The following MGAT4D variants were observed in gnomAD, a reference collection of about 807,000 sequenced individuals.
MGAT4D encodes the protein MGAT4 family member D, also known as alpha-1,3-mannosyl-glycoprotein 4-beta-N-acetylglucosaminyltransferase-like protein MGAT4D.
MGAT4D carries 34 observed loss-of-function variants against 15.9 expected under a neutral mutation model. That is an observed-to-expected ratio of 2.14 (90% confidence interval 1.62 to 2.84). The LOEUF is 2.84. MGAT4D is among the 30% of genes most tolerant of loss of function. MGAT4D has a pLI of 0.00. For missense variants in MGAT4D, 327 were observed against 140.2 expected (o/e 2.33, Z -6.73); for synonymous variants, 112 against 48.2 (o/e 2.33, Z -5.49).
At chr4:140,493,379 T>A (rs1292294802) in intron 1 of MGAT4D, among the ~76,000 whole-genome samples, 1 of 148,068 alleles carries the variant, frequency 6.8e-6, no homozygotes, top group Non-Finnish European at 1.5e-5. Context: ...TACTGCAAGC[T>A]CTGCCTCCCG....
chr4:140,452,885 A>AT (rs1204350320), intron 9 of MGAT4D, among the ~76,000 whole-genome samples: 1 of 152,002 alleles, frequency 6.6e-6, no homozygotes, highest in African/African-American at 2.4e-5. Flanking sequence ...TAGATAGATG[A>AT]TTTTTTGTGT....
In MGAT4D at chr4:140,461,946, C is replaced by T. The variant is rs1439943472; in HGVS notation, c.745G>A (p.Ala249Thr). The T allele has an allele frequency of 4.3e-6, 3 of 698,696 alleles. No homozygotes were observed. Among genetic ancestry groups the T allele is most frequent in the East Asian group, 2.7e-5 (1 of 37,140 alleles). 43.3% of individuals were successfully genotyped at this position (698,696 alleles called of 1,614,324 possible). ...CILLLYAQPK[A>T]KYYLQLEDDI... ...TTTCTGACCTGTAAATAATACTTGG[C>T]CTTGGGTTGGGCATACAGCAACAAA... The change falls in exon 7 of 11, where the codon GCC (alanine) becomes ACC (threonine). Residue 249 changes from alanine (A) to threonine (T), a missense_variant. Transcript: ENST00000511113.
intron 10 of MGAT4D, among the ~76,000 whole-genome samples, chr4:140,444,527 C>T (rs955373147): frequency 6.6e-6 from 1 of 152,226 alleles, no homozygotes; most frequent in South Asian, 2.1e-4. Flanking sequence ...CAGCTGCATC[C>T]ATGTGCCTGC....
At chr4:140,456,390 T>A (rs956375484) in intron 9 of MGAT4D, among the ~76,000 whole-genome samples, 199 bp downstream of exon 9, 11 of 152,160 alleles carry the variant, frequency 7.2e-5, no homozygotes, top group Admixed American at 2.0e-4. Context: ...TTTTTGTCCC[T>A]CTGTTTCTAC....
chr4:140,460,067 C>T (rs941241441), intron 7 of MGAT4D, among the ~76,000 whole-genome samples: 1 of 152,110 alleles, frequency 6.6e-6, no homozygotes, highest in African/African-American at 2.4e-5. Flanking sequence ...ACACCACACC[C>T]TGCTCCATGT....
Position 140,447,217 on chromosome 4 carries a change from A to G in MGAT4D, c.1117-3773T>C, listed in dbSNP as rs1348974283. Reference sequence around the variant, plus strand: ...GCAGAGAGTTCTGTAGGTATATATTATGTTCATTTGGTCGAGTGTTGAGTT... The same window carrying G: ...GCAGAGAGTTCTGTAGGTATATATTGTGTTCATTTGGTCGAGTGTTGAGTT... On this transcript the variant is annotated intron_variant, in intron 10 of 10. Coordinates refer to ENST00000511113, the MANE Select transcript of MGAT4D (RefSeq NM_001277353.2). Among the ~76,000 whole-genome samples, 3 of 152,002 alleles carry G rather than the reference A, an allele frequency of 2.0e-5. No homozygotes were observed. The East Asian group carries it at 5.8e-4, about 29-fold the overall frequency.
chr4:140,485,810 TAAAAAAAAAAAA>T lies in MGAT4D; in HGVS notation c.95-3337_95-3326del, dbSNP rs61131099. Reference sequence around the variant, plus strand: ...TGAGCAACAGAGCAAGACCCTGTCTTAAAAAAAAAAAAAAAAAAAAAAAAAAAAAAAAAAAAA... The same window carrying T: ...TGAGCAACAGAGCAAGACCCTGTCTTAAAAAAAAAAAAAAAAAAAAAAAAA... On this transcript the variant is annotated intron_variant, in intron 1 of 10. Transcript: ENST00000511113. 4.8e-3 allele frequency among the ~76,000 whole-genome samples: 63 copies of T among 13,020 alleles called. 2 individuals are homozygous for T. The highest frequency in any genetic ancestry group is 0.011 in the East Asian group (3 of 280). The allele number at this position is 13,020 out of a possible 152,430, so 8.5% of individuals were successfully genotyped here.
At chr4:140,469,825 T>G (rs1314170689) in intron 5 of MGAT4D, among the ~76,000 whole-genome samples, 2 of 152,220 alleles carry the variant, frequency 1.3e-5, no homozygotes, top group Admixed American at 1.3e-4. Context: ...TCGCCAGACT[T>G]TCAGCGACCC....
intron 10 of MGAT4D, among the ~76,000 whole-genome samples, chr4:140,451,107 A>G (rs1730446148): frequency 6.6e-6 from 1 of 152,214 alleles, no homozygotes; most frequent in Non-Finnish European, 1.5e-5. Context: ...AGACTAAAAG[A>G]GTGAACTTTA....
intron 1 of MGAT4D, among the ~76,000 whole-genome samples, chr4:140,494,044 T>C (rs1487522897): frequency 6.6e-6 from 1 of 151,708 alleles, no homozygotes; most frequent in Non-Finnish European, 1.5e-5. Flanking sequence ...GCTCCTGGAG[T>C]GGTTGCATTA....
intron 5 of MGAT4D, among the ~76,000 whole-genome samples, chr4:140,470,528 A>T (rs974267354): frequency 6.6e-6 from 1 of 152,210 alleles, no homozygotes; most frequent in African/African-American, 2.4e-5. Flanking sequence ...ATTTCTTAGC[A>T]TGGTGCATAG....
At chr4:140,464,865 T>A (rs1021110827) in intron 6 of MGAT4D, 31 bp downstream of exon 6, 1 of 700,964 alleles carries the variant, frequency 1.4e-6, no homozygotes, top group Non-Finnish European at 2.6e-6. Flanking sequence ...AAGTTAGTTA[T>A]TTAAGGCTAC....
chr4:140,490,761 T>C (rs1733450491), intron 1 of MGAT4D, among the ~76,000 whole-genome samples: 1 of 152,260 alleles, frequency 6.6e-6, no homozygotes, highest in African/African-American at 2.4e-5. Flanking sequence ...CTACATCAAC[T>C]TTATTTTGGT....
chr4:140,488,597 T>C (rs535793662), intron 1 of MGAT4D, among the ~76,000 whole-genome samples: 6 of 152,318 alleles, frequency 3.9e-5, no homozygotes, highest in African/African-American at 1.4e-4. Flanking sequence ...TGAACTTGTA[T>C]GTACAGAAGC....
At chr4:140,479,663 C>A in intron 2 of MGAT4D, 36 bp from the exon 3 acceptor site, 1 of 389,714 alleles carries the variant, frequency 2.6e-6, no homozygotes, top group South Asian at 1.0e-4. Context: ...AGTATATGAT[C>A]ATAGGGATTT....
At chr4:140,488,130 C>T (rs1015063210) in intron 1 of MGAT4D, among the ~76,000 whole-genome samples, 1 of 152,176 alleles carries the variant, frequency 6.6e-6, no homozygotes, top group Non-Finnish European at 1.5e-5. Flanking sequence ...CATCTCCAAT[C>T]AATGATTAAT....
chr4:140,478,682 A>G (rs970334500), intron 3 of MGAT4D, among the ~76,000 whole-genome samples: 5 of 152,186 alleles, frequency 3.3e-5, no homozygotes, highest in Admixed American at 6.5e-5. Context: ...AATGCAATAG[A>G]TAAACGATGT....
chr4:140,460,392 C>T (rs1731095893), intron 7 of MGAT4D, among the ~76,000 whole-genome samples: 2 of 152,178 alleles, frequency 1.3e-5, no homozygotes, highest in Non-Finnish European at 2.9e-5. Flanking sequence ...ACTGTGTCCT[C>T]ACAGTAAAAG....
At chr4:140,485,084 A>G (rs2126842341) in intron 1 of MGAT4D, among the ~76,000 whole-genome samples, 1 of 152,344 alleles carries the variant, frequency 6.6e-6, no homozygotes, top group East Asian at 1.9e-4. Flanking sequence ...TCATGCTGCT[A>G]TAAAGACACA....
Sources: allele counts gnomAD v4.1 joint callset (sites outside exome capture counted in the v4.1 genomes callset), GRCh38; gene constraint gnomAD v4.1.1; transcripts MANE v1.5; gene names NCBI Gene and HGNC (gene_info 2026-07-23, HGNC 2026-07-21).